The following CCT4 variants were observed in gnomAD, a reference collection of about 807,000 sequenced individuals.
CCT4 encodes T-complex protein 1 subunit delta.
Under a neutral mutation model 62.5 loss-of-function variants are expected in CCT4, and 17 were observed. The observed-to-expected ratio is 0.27, with a 90% CI of 0.19 to 0.41. The LOEUF is 0.41. Ranked by LOEUF, CCT4 falls within the 10% of genes least tolerant of loss-of-function variation. The probability of loss-of-function intolerance (pLI) is 1.00; values close to 1 mark genes in which losing one functional copy is unlikely to be tolerated. For synonymous variants in CCT4, 250 were observed against 229.9 expected, an observed-to-expected ratio of 1.09 and a Z score of -0.79; for missense variants, 592 against 659.2, an observed-to-expected ratio of 0.90 and a Z score of 1.12.
chr2:61,888,592 C>T lies in CCT4; in HGVS notation c.-85G>A. The T allele has an allele frequency of 1.1e-5, 16 of 1,473,730 alleles. No homozygotes were observed. Among genetic ancestry groups the T allele is most frequent in the Non-Finnish European group, 1.5e-5 (16 of 1,097,858 alleles). 91.3% of individuals were successfully genotyped at this position (1,473,730 alleles called of 1,614,324 possible). A position where few individuals can be genotyped will look rare whatever the true frequency, so the allele number is the denominator to read the frequency against. On this transcript the variant is annotated 5_prime_UTR_variant, in exon 1 of 14. Transcript: ENST00000394440. ...GGCCGCAGTGTAATAACGGTAAGCC[C>T]TCACTGCCTTCACGAACCTTCCAGA...
At chr2:61,884,526 G>A (rs111683772) in intron 2 of CCT4, among the ~76,000 whole-genome samples, 26,063 of 151,810 alleles carry the variant, frequency 0.17, 2,672 homozygotes, top group Middle Eastern at 0.29. Flanking sequence ...GGCCAGGCTG[G>A]TCTTGAACTC....
chr2:61,872,087 G>C lies in CCT4; in HGVS notation c.1486C>G (p.Arg496Gly), dbSNP rs1310498794. 1.3e-6 allele frequency: 2 copies of C among 1,595,596 alleles called. No homozygotes were observed. Among genetic ancestry groups the C allele is most frequent in the South Asian group, 2.2e-5 (2 of 90,544 alleles). Residue 496 changes from arginine (R) to glycine (G), a missense_variant, in exon 12 of 14, where the codon CGA becomes GGA. Physicochemically the swap from Arg to Gly is moderately radical, Grantham distance 125 (BLOSUM62 -2). Coordinates refer to ENST00000394440, the MANE Select transcript of CCT4 (RefSeq NM_006430.4). Reference sequence around the variant, plus strand: ...ATTAGAGATTAAATGATTACCTTTCGGACATTAATGCCTGCAGTTTTTTCT... The same window carrying C: ...ATTAGAGATTAAATGATTACCTTTCCGACATTAATGCCTGCAGTTTTTTCT... ...QGEKTAGINVRKGGISNILEE... is the reference protein window; with the variant it reads ...QGEKTAGINVGKGGISNILEE...
intron 2 of CCT4, among the ~76,000 whole-genome samples, chr2:61,884,385 C>A (rs1274173792): frequency 6.6e-6 from 1 of 152,200 alleles, no homozygotes; most frequent in East Asian, 1.9e-4. Context: ...CTCACTGCAA[C>A]CTCTGCCTCC....
At chr2:61,877,779 A>G (rs571856702) in intron 5 of CCT4, among the ~76,000 whole-genome samples, 1 of 152,332 alleles carries the variant, frequency 6.6e-6, no homozygotes, top group South Asian at 2.1e-4. Context: ...GTTTTACAGG[A>G]AATCCAAAAA....
intron 8 of CCT4, among the ~76,000 whole-genome samples, chr2:61,875,543 A>G (rs1172438524): frequency 1.3e-5 from 2 of 148,770 alleles, no homozygotes; most frequent in African/African-American, 5.0e-5. Flanking sequence ...AGATTGCACC[A>G]CTGCACTCCA....
At chr2:61,887,589 A>G (rs540130006) in intron 1 of CCT4, among the ~76,000 whole-genome samples, 1 of 152,312 alleles carries the variant, frequency 6.6e-6, no homozygotes, top group African/African-American at 2.4e-5. Context: ...TTTTCCTTCC[A>G]GATTTTTCTA....
chr2:61,873,145 C>T (rs1668920554), intron 9 of CCT4, 33 bp from the exon 10 acceptor site: 1 of 1,487,786 alleles, frequency 6.7e-7, no homozygotes, highest in African/African-American at 1.4e-5. Flanking sequence ...CAAATTAAGA[C>T]ATTTATCTAA....
intron 8 of CCT4, among the ~76,000 whole-genome samples, chr2:61,873,527 C>A (rs574403488): frequency 6.6e-6 from 1 of 152,066 alleles, no homozygotes; most frequent in South Asian, 2.1e-4. Context: ...ATAAAACACA[C>A]GAAATAACTA....
intron 6 of CCT4, 57 bp downstream of exon 6, chr2:61,877,336 T>C: frequency 6.6e-7 from 1 of 1,521,016 alleles, no homozygotes; most frequent in South Asian, 1.2e-5. Flanking sequence ...TATTTATTTT[T>C]GGCAATCTGA....
At position 61,868,476 on chromosome 2, in the gene CCT4, T is replaced by A. The variant is rs955079239; in HGVS notation, c.*216A>T. On this transcript the variant is annotated 3_prime_UTR_variant, in exon 14 of 14. Coordinates refer to ENST00000394440, the MANE Select transcript of CCT4 (RefSeq NM_006430.4). Reference sequence around the variant, plus strand: ...ATTAGTTTTTCAAAAGTATCAGAAATAACAGAATGTTGGGAGAAGATAAAT... The same window carrying A: ...ATTAGTTTTTCAAAAGTATCAGAAAAAACAGAATGTTGGGAGAAGATAAAT... 1.0e-5 allele frequency: 5 copies of A among 493,054 alleles called. No individual in the cohort carries two copies. Among genetic ancestry groups the A allele is most frequent in the East Asian group, 9.1e-5 (3 of 32,904 alleles). 30.5% of individuals were successfully genotyped at this position (493,054 alleles called of 1,614,324 possible).
At chr2:61,887,367 T>C (rs1377202137) in intron 1 of CCT4, among the ~76,000 whole-genome samples, 1 of 152,126 alleles carries the variant, frequency 6.6e-6, no homozygotes, top group African/African-American at 2.4e-5. Flanking sequence ...CACTGAATCC[T>C]CACAGCAAGC....
chr2:61,873,882 ATAG>A (rs1668940874), intron 8 of CCT4, among the ~76,000 whole-genome samples: 2 of 151,804 alleles, frequency 1.3e-5, no homozygotes, highest in African/African-American at 4.8e-5. Context: ...TTTATTTTTA[ATAG>A]AGACAGGGTC....
chr2:61,881,214 CTTATTT>C (rs1352455036), intron 3 of CCT4, among the ~76,000 whole-genome samples: 1 of 151,772 alleles, frequency 6.6e-6, no homozygotes, highest in Non-Finnish European at 1.5e-5. Flanking sequence ...GCAATGCTTT[CTTATTT>C]TATGTTCCAA....
chr2:61,872,864 T>C (rs1668913388), intron 10 of CCT4, 138 bp downstream of exon 10: 1 of 692,002 alleles, frequency 1.4e-6, no homozygotes, highest in Non-Finnish European at 2.6e-6. Flanking sequence ...GAGGCGGAGC[T>C]TGTAGTGAGC....
intron 3 of CCT4, among the ~76,000 whole-genome samples, chr2:61,880,732 G>T (rs151080883): frequency 6.6e-6 from 1 of 151,966 alleles, no homozygotes; most frequent in Non-Finnish European, 1.5e-5. Flanking sequence ...TTGAGACAGG[G>T]TCTTACTCTG....
intron 7 of CCT4, 45 bp downstream of exon 7, chr2:61,876,875 A>G (rs1339698878): frequency 1.3e-6 from 2 of 1,516,202 alleles, no homozygotes; most frequent in South Asian, 2.5e-5. Flanking sequence ...CTGAGTTATT[A>G]AAAAGTTAAA....
intron 1 of CCT4, among the ~76,000 whole-genome samples, chr2:61,887,776 C>T (rs551714012): frequency 1.3e-5 from 2 of 152,154 alleles, no homozygotes; most frequent in Non-Finnish European, 2.9e-5. Flanking sequence ...ACAAAAAAAA[C>T]AAATAATTGT....
chr2:61,877,720 T>G (rs1344453182), intron 5 of CCT4, among the ~76,000 whole-genome samples: 1 of 152,206 alleles, frequency 6.6e-6, no homozygotes, highest in Non-Finnish European at 1.5e-5. Context: ...ACATGTATGC[T>G]TGCTTTTTTC....
chr2:61,883,841 A>G (rs2105140642), intron 2 of CCT4, among the ~76,000 whole-genome samples: 1 of 151,932 alleles, frequency 6.6e-6, no homozygotes, highest in Middle Eastern at 3.4e-3. Context: ...ATAAAGAAGC[A>G]CTTGCTATCT....
Sources: gnomAD v4.1 joint callset for allele counts (sites outside exome capture counted in the v4.1 genomes callset) on GRCh38, gnomAD v4.1.1 for gene constraint, MANE v1.5 for transcripts, NCBI Gene and HGNC (gene_info 2026-07-23, HGNC 2026-07-21) for gene names.